PISD: variants seen among roughly 807,000 people sequenced by gnomAD.
PISD encodes the protein phosphatidylserine decarboxylase proenzyme, mitochondrial.
Under a neutral mutation model 43.5 loss-of-function variants are expected in PISD, and 31 were observed. The ratio of observed to expected loss-of-function variants is 0.71; its 90% CI spans 0.54 to 0.96. The LOEUF is 0.96. PISD is among the 40% of genes least tolerant of loss of function. The pLI, the probability that PISD is intolerant of heterozygous loss-of-function variation, is 0.00. For missense variants in PISD, 523 were observed against 548.4 expected (o/e 0.95, Z 0.46); for synonymous variants, 259 against 228.7 (o/e 1.13, Z -1.20).
In PISD at chr22:31,662,161, G is replaced by A. The variant is rs533431202; in HGVS notation, c.48C>T (p.Val16=). The change falls in exon 1 of 8, where the codon GTC becomes GTT. Residue 16 remains valine (V), a synonymous_variant. Coordinates refer to ENST00000439502, the MANE Select transcript of PISD (RefSeq NM_001326411.2). ...TGCTATACCTGCTCCGCCACGGCGC[G>A]ACCCCGTGCAGTAATCCCAGACATC... ...GHRCLGLLHG[V]APWRSSLHPC... The A allele has an allele frequency of 9.3e-6, 15 of 1,607,094 alleles. No individual in the cohort carries two copies. The highest frequency in any genetic ancestry group is 6.7e-5 in the East Asian group (3 of 44,872).
At chr22:31,643,102 C>CAA (rs79749046) in intron 3 of PISD, among the ~76,000 whole-genome samples, 296 of 60,560 alleles carry the variant, frequency 4.9e-3, no homozygotes, top group African/African-American at 0.014. Context: ...AATGCCATCT[C>CAA]AAAAAAAAAA....
At chr22:31,635,669 G>T (rs192688283) in intron 3 of PISD, among the ~76,000 whole-genome samples, 7 of 152,292 alleles carry the variant, frequency 4.6e-5, no homozygotes, top group South Asian at 4.1e-4. Flanking sequence ...ATTGGAGGTA[G>T]CTCCCAGGTG....
At chr22:31,657,630 C>A (rs551989969) in intron 1 of PISD, among the ~76,000 whole-genome samples, 2 of 152,066 alleles carry the variant, frequency 1.3e-5, no homozygotes, top group African/African-American at 4.8e-5. Flanking sequence ...TCAAGGAATT[C>A]TCCTACCTCA....
chr22:31,648,250 C>A lies in PISD; in HGVS notation c.172G>T (p.Ala58Ser). The A allele has an allele frequency of 6.2e-7, 1 of 1,610,350 alleles. No individual in the cohort carries two copies. ...TDARKIHTAP[A>S]RTMFLLRPLP... ...GGACGCAGCAGGAACATGGTTCGGGCAGGGGCAGTGTGGATTTTTCTGGCA... is the reference window on the plus strand; with the variant it reads ...GGACGCAGCAGGAACATGGTTCGGGAAGGGGCAGTGTGGATTTTTCTGGCA... The change falls in exon 3 of 8, where the codon GCC (alanine) becomes TCC (serine). Residue 58 changes from alanine to serine, a missense_variant. Physicochemically the swap from Ala to Ser is moderately conservative, Grantham distance 99. Transcript: ENST00000439502.
At chr22:31,634,648 G>A (rs182313716) in intron 3 of PISD, among the ~76,000 whole-genome samples, 24 of 152,190 alleles carry the variant, frequency 1.6e-4, no homozygotes, top group African/African-American at 5.3e-4. Context: ...CACCAGCCTG[G>A]CCAACATGGT....
chr22:31,662,358 T>C (rs2147835664), upstream of PISD: 1 of 754,892 alleles, frequency 1.3e-6, no homozygotes, highest in East Asian at 2.6e-5. Context: ...ACTCCCCACC[T>C]AACCCGCTTG....
At chr22:31,640,832 C>T (rs144785400) in intron 3 of PISD, among the ~76,000 whole-genome samples, 1,553 of 144,448 alleles carry the variant, frequency 0.011, 30 homozygotes, top group African/African-American at 0.037. Context: ...CCACCCGCCT[C>T]GGCCTCCCAA....
intron 3 of PISD, chr22:31,625,750 G>GGCA: frequency 6.3e-7 from 1 of 1,578,334 alleles, no homozygotes; most frequent in Non-Finnish European, 8.6e-7. Flanking sequence ...GGGCGCGGTG[G>GGCA]GCAGCATCTC....
At position 31,630,986 on chromosome 22, in the gene PISD, G is replaced by C. The variant is rs1200068592; in HGVS notation, c.322-9101C>G. On this transcript the variant is annotated intron_variant, in intron 3 of 7. Coordinates refer to ENST00000439502, the MANE Select transcript of PISD (RefSeq NM_001326411.2). This position sits in a 1 kb window ranked among gnomAD's most constrained non-coding sequence, Gnocchi z 4.4. ...CTCTGAGCCCCAGTCCTGCTGGGCC[G>C]TCCGCCCAACCCGAGGGCCCCTTTA... The C allele has an allele frequency of 2.1e-6, 1 of 472,666 alleles. No homozygotes were observed. 29.3% of individuals were successfully genotyped at this position (472,666 alleles called of 1,614,324 possible).
intron 1 of PISD, among the ~76,000 whole-genome samples, chr22:31,659,661 G>A (rs1012866904): frequency 2.0e-5 from 3 of 151,842 alleles, no homozygotes; most frequent in South Asian, 2.1e-4. Flanking sequence ...GCGTGATCTC[G>A]GCTCACTGCA....
Position 31,621,693 on chromosome 22 carries a change from T to A in PISD, c.514A>T (p.Lys172Ter). Residue 172 changes from lysine to a stop codon, truncating the protein, a stop_gained, in exon 4 of 8, where the codon AAG (lysine) becomes TAG (stop). Transcript: ENST00000439502. LOFTEE classifies it high-confidence loss of function. ...ACAGGCCGGGCCTGCGGCTTCAGCT[T>A]GCGCCGGAAGAACTCGCTGAGGTTG... ...YRNLSEFFRR[K>*]LKPQARPVCG... is the part of the protein sequence containing the mutation. 1 of 1,613,920 alleles carries A rather than the reference T, an allele frequency of 6.2e-7. No homozygotes were observed. Among genetic ancestry groups the A allele is most frequent in the Non-Finnish European group, 8.5e-7 (1 of 1,179,986 alleles).
chr22:31,621,058 C>A lies in PISD; in HGVS notation c.782G>T (p.Gly261Val). ...GGGGGAGTGGAAGCAGTGGTAGTCC[C>A]CAGGGGCCAGGTAGATGACACAGTG... is the stretch of plus-strand genomic sequence containing the variant. ...LYHCVIYLAP[G>V]DYHCFHSPTD... is the part of the protein sequence containing the mutation. The change falls in exon 6 of 8, where the codon GGG (glycine) becomes GTG (valine). Residue 261 changes from glycine to valine, a missense_variant. Gly to Val is a moderately radical substitution (Grantham distance 109, BLOSUM62 -3). Transcript: ENST00000439502. 6.2e-7 allele frequency: 1 copy of A among 1,614,030 alleles called. No homozygotes were observed. The highest frequency in any genetic ancestry group is 8.5e-7 in the Non-Finnish European group (1 of 1,179,944).
chr22:31,624,405 G>C (rs2072760811), intron 3 of PISD, among the ~76,000 whole-genome samples: 1 of 152,142 alleles, frequency 6.6e-6, no homozygotes, highest in African/African-American at 2.4e-5. Context: ...GCAGGATCTG[G>C]GATATCCTTT....
rs1234325137 is a variant in PISD, at chr22:31,630,205, G to A, written c.322-8320C>T. Among the ~76,000 whole-genome samples, 2 of 152,246 alleles carry A rather than the reference G, an allele frequency of 1.3e-5. No homozygotes were observed. Among genetic ancestry groups the A allele is most frequent in the African/African-American group, 2.4e-5 (1 of 41,546 alleles). Reference sequence around the variant, plus strand: ...CAGCCCAGGAGGCCCTGGGAAGAGGGCAGGCAGGACTCGCAGGGGTCTATC... The same window carrying A: ...CAGCCCAGGAGGCCCTGGGAAGAGGACAGGCAGGACTCGCAGGGGTCTATC... On this transcript the variant is annotated intron_variant, in intron 3 of 7. Transcript: ENST00000439502. This position sits in a 1 kb window ranked among gnomAD's most constrained non-coding sequence, Gnocchi z 4.4.
chr22:31,643,987 G>T (rs2073810084), intron 3 of PISD, among the ~76,000 whole-genome samples: 1 of 151,894 alleles, frequency 6.6e-6, no homozygotes. Flanking sequence ...GGCAGAGGTT[G>T]CAGTGAGCCG....
intron 1 of PISD, 150 bp downstream of exon 1, chr22:31,661,994 G>C: frequency 1.4e-6 from 1 of 694,164 alleles, no homozygotes; most frequent in Non-Finnish European, 2.5e-6. Flanking sequence ...AGGAGCAGTC[G>C]CACCTGCTCC....
chr22:31,659,843 AAG>A (rs2074272564), intron 1 of PISD, among the ~76,000 whole-genome samples: 1 of 152,044 alleles, frequency 6.6e-6, no homozygotes, highest in Non-Finnish European at 1.5e-5. Flanking sequence ...TGGCCTCCCA[AAG>A]TGCTGGGATT....
intron 3 of PISD, among the ~76,000 whole-genome samples, chr22:31,634,834 CAA>C (rs33999998): frequency 5.5e-3 from 446 of 81,090 alleles, no homozygotes; most frequent in African/African-American, 0.019. Flanking sequence ...GACTCCATCT[CAA>C]AAAAAAAAAA....
intron 3 of PISD, chr22:31,632,102 G>A (rs1343304443): frequency 4.3e-6 from 1 of 234,496 alleles, no homozygotes; most frequent in Admixed American, 6.5e-5. Flanking sequence ...TGTAGGGCTT[G>A]CGGAGAAATG....
Sources: gnomAD v4.1 joint callset for allele counts (sites outside exome capture counted in the v4.1 genomes callset) on GRCh38, gnomAD v4.1.1 for gene constraint, Gnocchi (gnomAD v3.1) non-coding constraint, MANE v1.5 for transcripts, NCBI Gene and HGNC (gene_info 2026-07-23, HGNC 2026-07-21) for gene names.